TTC6: variants seen among roughly 807,000 people sequenced by gnomAD.
TTC6 encodes the protein tetratricopeptide repeat protein 6.
In TTC6, 172 loss-of-function variants were observed where a neutral mutation model predicts 210.4. That is an observed-to-expected ratio of 0.82 (90% CI 0.72 to 0.93). The LOEUF is 0.93. Ranked by LOEUF, TTC6 falls within the 40% of genes least tolerant of loss-of-function variation. TTC6 has a pLI of 0.00. For synonymous variants in TTC6, 804 were observed against 819.6 expected (o/e 0.98, Z 0.32); for missense variants, 2,414 against 2,318.1 (o/e 1.04, Z -0.85).
chr14:37,688,789 A>G (rs763462295), intron 3 of TTC6, among the ~76,000 whole-genome samples: 47 of 152,178 alleles, frequency 3.1e-4, no homozygotes, highest in Non-Finnish European at 5.1e-4. Flanking sequence ...TACAGCTGAG[A>G]TCACAACACC....
intron 1 of TTC6, 32 bp from the exon 2 acceptor site, chr14:37,606,631 C>A (rs1468705303): frequency 3.5e-5 from 24 of 693,398 alleles, no homozygotes; most frequent in Non-Finnish European, 4.3e-5. Flanking sequence ...TGTTAGTTCC[C>A]TTTAATCCCA....
At chr14:37,708,377 A>T (rs1486740857) in intron 5 of TTC6, among the ~76,000 whole-genome samples, 3 of 152,068 alleles carry the variant, frequency 2.0e-5, no homozygotes, top group Non-Finnish European at 4.4e-5. Flanking sequence ...CACTACATTT[A>T]TTATATAATT....
intron 1 of TTC6, among the ~76,000 whole-genome samples, chr14:37,674,321 G>A (rs566527418): frequency 1.3e-4 from 20 of 152,152 alleles, no homozygotes; most frequent in African/African-American, 4.8e-4. Flanking sequence ...TCAAGTAACA[G>A]TTATGTGGTT....
At chr14:37,765,746 T>C (rs942246013) in intron 14 of TTC6, among the ~76,000 whole-genome samples, 1 of 152,154 alleles carries the variant, frequency 6.6e-6, no homozygotes, top group Non-Finnish European at 1.5e-5. Context: ...GCAATGGACT[T>C]CTTCAGGTTT....
rs956699377 is a variant in TTC6, at chr14:37,606,649, A to AT, written c.-234-7dup. ...TAGTTCCCTTTAATCCCACCTTCAAATTTTTTTCCCTAGGAAAACCCTTTC... is the reference window on the plus strand; with the variant it reads ...TAGTTCCCTTTAATCCCACCTTCAAATTTTTTTTCCCTAGGAAAACCCTTTC... On this transcript the variant is annotated splice_polypyrimidine_tract_variant and intron_variant, in intron 1 of 2. Coordinates refer to the TTC6 transcript ENST00000556845. 17 of 896,192 alleles carry AT rather than the reference A, an allele frequency of 1.9e-5. No individual in the cohort carries two copies. The African/African-American group carries it at 2.5e-4, about 13-fold the overall frequency. The allele number at this position is 896,192 out of a possible 1,614,324, so 55.5% of individuals were successfully genotyped here. A position where few individuals can be genotyped will look rare whatever the true frequency, so the allele number is the denominator to read the frequency against.
At chr14:37,827,043 C>T (rs2096173476) in intron 28 of TTC6, among the ~76,000 whole-genome samples, 153 bp from the exon 31 acceptor site, 1 of 152,040 alleles carries the variant, frequency 6.6e-6, no homozygotes, top group African/African-American at 2.4e-5. Flanking sequence ...ATACCAACTC[C>T]TTTCTCAAAA....
At chr14:37,709,692 TAAAAAAAAAA>T (rs10585657) in intron 5 of TTC6, among the ~76,000 whole-genome samples, 12 of 126,464 alleles carry the variant, frequency 9.5e-5, no homozygotes, top group African/African-American at 1.2e-4. Flanking sequence ...TCATGTTTTG[TAAAAAAAAAA>T]AAAAAAAAAA....
At chr14:37,637,874 G>A (rs191364295) in intron 1 of TTC6, among the ~76,000 whole-genome samples, 8 of 152,286 alleles carry the variant, frequency 5.3e-5, no homozygotes, top group Admixed American at 2.6e-4. Flanking sequence ...TTACTCATAC[G>A]TTGTTGGTAG....
chr14:37,637,579 G>T (rs1442989415), intron 1 of TTC6, among the ~76,000 whole-genome samples: 1 of 152,144 alleles, frequency 6.6e-6, no homozygotes. Context: ...AGGTTACAGT[G>T]AGCTATGATC....
At chr14:37,695,831 A>G (rs997250758) in intron 3 of TTC6, among the ~76,000 whole-genome samples, 4 of 152,138 alleles carry the variant, frequency 2.6e-5, no homozygotes, top group Non-Finnish European at 4.4e-5. Flanking sequence ...TATACCTTCT[A>G]TGTACCCACA....
rs2095887044 is a variant in TTC6 at position 37,731,837 on chromosome 14, A to C, written c.1819-4084A>C. On this transcript the variant is annotated intron_variant, in intron 7 of 30. Transcript: ENST00000553443. ...AACAACATGTGATTAGATGAAAACA[A>C]ATACAGTTGGATTTTTTTTGTTTTT... 2.0e-5 allele frequency among the ~76,000 whole-genome samples: 3 copies of C among 149,358 alleles called. No homozygotes were observed. In the South Asian group the frequency reaches 6.2e-4, roughly 31 times the overall value.
chr14:37,621,931 G>T (rs1273822084), upstream of TTC6: 5 of 596,860 alleles, frequency 8.4e-6, no homozygotes, highest in Non-Finnish European at 1.4e-5. Context: ...GCCTCAGGGA[G>T]CACGGTGAGG....
chr14:37,770,331 G>A (rs2139174002), intron 14 of TTC6, among the ~76,000 whole-genome samples: 1 of 152,276 alleles, frequency 6.6e-6, no homozygotes, highest in South Asian at 2.1e-4. Context: ...GCTTGGTGCA[G>A]AGCTGAGTTC....
chr14:37,745,318 A>C (rs1028821340), intron 10 of TTC6, among the ~76,000 whole-genome samples: 2 of 152,196 alleles, frequency 1.3e-5, no homozygotes, highest in African/African-American at 4.8e-5. Context: ...TTTGTTTTAC[A>C]CTGGTGAAAC....
chr14:37,612,534 C>A (rs1248483852), intron 2 of TTC6, among the ~76,000 whole-genome samples: 1 of 151,972 alleles, frequency 6.6e-6, no homozygotes. Flanking sequence ...ATTTAAAAAC[C>A]TGCTGTATTT....
intron 23 of TTC6, among the ~76,000 whole-genome samples, chr14:37,807,914 A>G (rs1350135291): frequency 1.3e-5 from 2 of 152,086 alleles, no homozygotes; most frequent in African/African-American, 4.8e-5. Flanking sequence ...TGAAGATAAT[A>G]TTTTGCTGAC....
intron 1 of TTC6, among the ~76,000 whole-genome samples, chr14:37,657,615 A>G (rs1332152887): frequency 6.6e-6 from 1 of 152,186 alleles, no homozygotes; most frequent in Non-Finnish European, 1.5e-5. Flanking sequence ...TTAATACACT[A>G]TTATTAAGTA....
intron 14 of TTC6, among the ~76,000 whole-genome samples, chr14:37,770,217 T>A (rs967584826): frequency 3.3e-5 from 5 of 152,200 alleles, no homozygotes; most frequent in Admixed American, 6.5e-5. Flanking sequence ...AGAGCTTTAC[T>A]TCCAACTATG....
At chr14:37,710,863 G>C (rs2095843531) in intron 5 of TTC6, among the ~76,000 whole-genome samples, 1 of 152,140 alleles carries the variant, frequency 6.6e-6, no homozygotes, top group Non-Finnish European at 1.5e-5. Flanking sequence ...CAGAGAAGGG[G>C]TCTGGGAAGG....
Sources: gnomAD v4.1 joint callset for allele counts (sites outside exome capture counted in the v4.1 genomes callset) on GRCh38, gnomAD v4.1.1 for gene constraint, MANE v1.5 for transcripts, NCBI Gene and HGNC (gene_info 2026-07-23, HGNC 2026-07-21) for gene names.